Variants in PARP12 observed in about 807,000 individuals in gnomAD.
PARP12 encodes the protein protein mono-ADP-ribosyltransferase PARP12.
PARP12 carries 59 observed loss-of-function variants against 72.4 expected under a neutral mutation model. That is an observed-to-expected ratio of 0.81 (90% CI 0.66 to 1.01). The LOEUF (loss-of-function observed/expected upper bound fraction) is 1.01, where lower values mean the gene tolerates loss of function less well. Ranked by LOEUF, PARP12 falls within the 50% of genes least tolerant of loss-of-function variation. The probability of loss-of-function intolerance (pLI) is 0.00; values close to 1 mark genes in which losing one functional copy is unlikely to be tolerated. For missense variants in PARP12, 851 were observed against 914.0 expected (o/e 0.93, Z 0.89); for synonymous variants, 403 against 371.4 (o/e 1.09, Z -0.98).
At chr7:140,035,649 C>T (rs1421577169) in intron 7 of PARP12, among the ~76,000 whole-genome samples, 1 of 152,144 alleles carries the variant, frequency 6.6e-6, no homozygotes, top group Non-Finnish European at 1.5e-5. Flanking sequence ...CTGAATCATC[C>T]CTAAACCTTC....
intron 2 of PARP12, 183 bp from the exon 3 acceptor site, chr7:140,057,336 G>C (rs10237377): frequency 1.6e-6 from 1 of 642,026 alleles, no homozygotes; most frequent in Admixed American, 3.1e-5. Flanking sequence ...TTGGCTAAAA[G>C]GGGAACGAAA....
Position 140,039,392 on chromosome 7 carries a change from G to T in PARP12, c.1183-1536C>A, listed in dbSNP as rs182136711. The stretch of plus-strand genomic sequence containing the variant: ...TCCCTGCAGATGGATGGTCACAGAG[G>T]GAGGGAAGATGCAGGTGGATGAGCA... On this transcript the variant is annotated intron_variant, in intron 6 of 11. Coordinates refer to ENST00000263549, the MANE Select transcript of PARP12 (RefSeq NM_022750.4). 2.6e-5 allele frequency among the ~76,000 whole-genome samples: 4 copies of T among 152,328 alleles called. No individual in the cohort carries two copies. In the East Asian group the frequency reaches 7.7e-4, roughly 29 times the overall value.
chr7:140,059,361 TACAC>T (rs36173318), intron 1 of PARP12, among the ~76,000 whole-genome samples: 60 of 148,380 alleles, frequency 4.0e-4, no homozygotes, highest in South Asian at 1.3e-3. Context: ...CAGGCGTGTA[TACAC>T]ACACACACAC....
chr7:140,038,109 A>C, intron 6 of PARP12: 1 of 985,400 alleles, frequency 1.0e-6, no homozygotes, highest in Non-Finnish European at 1.2e-6. Flanking sequence ...CAGGGATGGG[A>C]GCAACGGAGA....
chr7:140,026,166 G>C lies in PARP12; in HGVS notation c.1780+31C>G, dbSNP rs747402923. On this transcript the variant is annotated intron_variant, in intron 11 of 11. Transcript: ENST00000263549. Reference sequence around the variant, plus strand: ...CCTATGCAGGGGCAAAGCAACATGGGTTTTGCTGGTGGAGGCCAGTCATGC... The same window carrying C: ...CCTATGCAGGGGCAAAGCAACATGGCTTTTGCTGGTGGAGGCCAGTCATGC... 6.2e-6 allele frequency: 10 copies of C among 1,614,080 alleles called. No homozygotes were observed. In the South Asian group the frequency reaches 9.9e-5, roughly 16 times the overall value.
chr7:140,050,502 G>A (rs1816918655), intron 4 of PARP12, among the ~76,000 whole-genome samples: 1 of 152,114 alleles, frequency 6.6e-6, no homozygotes, highest in Non-Finnish European at 1.5e-5. Context: ...TAGAATGAGG[G>A]CCTGGAATCC....
rs749606446 is a variant in PARP12, at chr7:140,054,762, T to C, written c.762A>G (p.Glu254=). Residue 254 remains glutamate (E), a splice_region_variant and synonymous_variant, in exon 4 of 12, where the codon GAA becomes GAG. Transcript: ENST00000263549. ...PPLFVPQGTS[E]RKDSSGSVSP... The stretch of plus-strand genomic sequence containing the variant: ...ACACAGAACCTGAACTGTCTTTTCT[T>C]TCTGCAAAGAAACACCACAAAGATA... The C allele has an allele frequency of 6.2e-7, 1 of 1,608,886 alleles. No homozygotes were observed. Among genetic ancestry groups the C allele is most frequent in the Non-Finnish European group, 8.5e-7 (1 of 1,175,160 alleles).
intron 4 of PARP12, among the ~76,000 whole-genome samples, chr7:140,050,524 A>C (rs1816919622): frequency 6.6e-6 from 1 of 152,234 alleles, no homozygotes; most frequent in Non-Finnish European, 1.5e-5. Flanking sequence ...AATCAGCCCC[A>C]TGGAAATCAA....
At chr7:140,026,141 C>T in intron 11 of PARP12, 56 bp downstream of exon 11, 1 of 1,612,884 alleles carries the variant, frequency 6.2e-7, no homozygotes, top group Middle Eastern at 1.7e-4. Flanking sequence ...GCAGTCTGTT[C>T]CTATGCAGGG....
intron 4 of PARP12, 75 bp downstream of exon 4, chr7:140,054,587 T>C: frequency 7.8e-7 from 1 of 1,287,948 alleles, no homozygotes; most frequent in East Asian, 2.3e-5. Context: ...AGGGGGTGAC[T>C]TCAGAGCACA....
chr7:140,027,616 TA>T (rs1228510158), intron 9 of PARP12: 1 of 439,410 alleles, frequency 2.3e-6, no homozygotes, highest in East Asian at 4.1e-5. Context: ...CAATTTTAAG[TA>T]AAACAACAAA....
chr7:140,027,085 A>C (rs1291784527), intron 10 of PARP12, among the ~76,000 whole-genome samples, 191 bp downstream of exon 10: 1 of 152,132 alleles, frequency 6.6e-6, no homozygotes, highest in Non-Finnish European at 1.5e-5. Context: ...CGGTGCCCTC[A>C]TCTCTACAAT....
chr7:140,036,813 A>T (rs1816220566), intron 7 of PARP12, among the ~76,000 whole-genome samples: 1 of 129,308 alleles, frequency 7.7e-6, no homozygotes, highest in Non-Finnish European at 1.6e-5. Context: ...ACTACACAAA[A>T]TTAAAACTTA....
At chr7:140,050,172 T>C (rs184702791) in intron 4 of PARP12, among the ~76,000 whole-genome samples, 29 of 152,144 alleles carry the variant, frequency 1.9e-4, no homozygotes, top group Admixed American at 1.9e-3. Flanking sequence ...GCAGACAAAA[T>C]GTGCAGAACA....
intron 7 of PARP12, among the ~76,000 whole-genome samples, chr7:140,036,694 T>C (rs1214346566): frequency 1.3e-5 from 2 of 152,056 alleles, no homozygotes; most frequent in Non-Finnish European, 2.9e-5. Context: ...TACTCCCTTA[T>C]AAAATGCTGA....
At position 140,040,245 on chromosome 7, in the gene PARP12, TC is replaced by T. The variant is rs943212842; in HGVS notation, c.1182+1398del. Among the ~76,000 whole-genome samples the T allele has an allele frequency of 1.2e-4, 18 of 152,176 alleles. 1 individual carries two copies. Among genetic ancestry groups the T allele is most frequent in the African/African-American group, 3.9e-4 (16 of 41,516 alleles). ...CCTCCTCCATGTCACGCCAGCCTCT[TC>T]CCCTCACGCTCCTGACCAAACCCAG... On this transcript the variant is annotated intron_variant, in intron 6 of 11. Transcript: ENST00000263549.
intron 1 of PARP12, among the ~76,000 whole-genome samples, 157 bp from the exon 2 acceptor site, chr7:140,058,191 C>T (rs1258857721): frequency 6.6e-6 from 1 of 152,064 alleles, no homozygotes; most frequent in Non-Finnish European, 1.5e-5. Context: ...AGGGTGGGCC[C>T]CAAACCCACA....
chr7:140,054,271 C>T (rs1050492110), intron 4 of PARP12, among the ~76,000 whole-genome samples: 4 of 152,182 alleles, frequency 2.6e-5, no homozygotes, highest in Non-Finnish European at 4.4e-5. Flanking sequence ...GTGTTTCCTT[C>T]GCAGTGAGGT....
chr7:140,028,983 C>A (rs1815839838), intron 8 of PARP12: 3 of 218,352 alleles, frequency 1.4e-5, no homozygotes, highest in Non-Finnish European at 2.8e-5. Flanking sequence ...GGAGCACACA[C>A]ACAGCCATAA....
Sources: allele counts gnomAD v4.1 joint callset (sites outside exome capture counted in the v4.1 genomes callset), GRCh38; gene constraint gnomAD v4.1.1; transcripts MANE v1.5; gene names NCBI Gene and HGNC (gene_info 2026-07-23, HGNC 2026-07-21).